LDLRAD4: variants seen among roughly 807,000 people sequenced by gnomAD.
LDLRAD4 encodes the protein low-density lipoprotein receptor class A domain-containing protein 4.
LDLRAD4 carries 5 observed loss-of-function variants against 17.0 expected under a neutral mutation model. That is an observed-to-expected ratio of 0.29 (90% confidence interval 0.15 to 0.62). The LOEUF is 0.62. Among genes scored for constraint, LDLRAD4 ranks in the 20% least tolerant of loss-of-function variants. LDLRAD4 has a pLI of 0.84. For synonymous variants in LDLRAD4, 168 were observed against 171.8 expected (o/e 0.98, Z 0.17); for missense variants, 340 against 424.7 (o/e 0.80, Z 1.75).
chr18:13,383,005 A>C (rs1361323102), intron 1 of LDLRAD4, among the ~76,000 whole-genome samples: 1 of 152,214 alleles, frequency 6.6e-6, no homozygotes, highest in Admixed American at 6.5e-5. Flanking sequence ...TAAGTGCAGC[A>C]GGCTCACCAC....
intron 1 of LDLRAD4, among the ~76,000 whole-genome samples, chr18:13,357,121 G>A (rs1444298905): frequency 6.6e-6 from 1 of 152,126 alleles, no homozygotes; most frequent in Admixed American, 6.5e-5. Context: ...TTGACAGAGC[G>A]AGACTGCATC....
exon 1 of LDLRAD4, chr18:13,218,972 G>C (rs1183275916): frequency 6.6e-6 from 1 of 152,392 alleles, no homozygotes; most frequent in East Asian, 1.9e-4. Flanking sequence ...CCCCGGGTGG[G>C]CCTGGGGGCG....
intron 1 of LDLRAD4, among the ~76,000 whole-genome samples, chr18:13,237,177 C>G (rs2042379015): frequency 6.6e-6 from 1 of 152,188 alleles, no homozygotes; most frequent in Admixed American, 6.5e-5. Flanking sequence ...AGTCCTGCTC[C>G]CTCATCTTGA....
chr18:13,455,669 G>A (rs2092093658), intron 3 of LDLRAD4, among the ~76,000 whole-genome samples: 1 of 152,138 alleles, frequency 6.6e-6, no homozygotes, highest in African/African-American at 2.4e-5. Context: ...CCCGTGGCTG[G>A]GGCAGAGCTG....
At chr18:13,518,171 A>C (rs988065714) in intron 3 of LDLRAD4, among the ~76,000 whole-genome samples, 13 of 152,182 alleles carry the variant, frequency 8.5e-5, no homozygotes, top group Admixed American at 8.5e-4. Flanking sequence ...TCTTGGTCTC[A>C]TTATCCTCCT....
chr18:13,433,936 A>T lies in LDLRAD4; in HGVS notation c.41-4308A>T, dbSNP rs16940515. Among the ~76,000 whole-genome samples the T allele has an allele frequency of 5.1e-3, 778 of 152,270 alleles. 10 individuals carry two copies. Among genetic ancestry groups the T allele is most frequent in the African/African-American group, 0.017 (721 of 41,540 alleles). On this transcript the variant is annotated intron_variant, in intron 2 of 5. Coordinates refer to ENST00000359446, the Ensembl canonical transcript of LDLRAD4. Reference sequence around the variant, plus strand: ...CAGGACAAAAAAGGGTTTCCTCTCGATCCGATGGAAATCTCGGGTTTTATG... The same window carrying T: ...CAGGACAAAAAAGGGTTTCCTCTCGTTCCGATGGAAATCTCGGGTTTTATG...
intron 3 of LDLRAD4, chr18:13,615,369 T>C (rs139677483): frequency 6.6e-6 from 1 of 152,296 alleles, no homozygotes; most frequent in African/African-American, 2.4e-5. Context: ...CAGTGAAGGA[T>C]AATATATTAG....
intron 3 of LDLRAD4, among the ~76,000 whole-genome samples, chr18:13,456,414 G>A (rs2092136722): frequency 1.3e-5 from 2 of 152,184 alleles, no homozygotes; most frequent in Admixed American, 1.3e-4. Context: ...CTGGTGAAGG[G>A]CGTGCGTCAC....
chr18:13,576,644 A>G (rs1478854581), intron 3 of LDLRAD4, among the ~76,000 whole-genome samples: 9 of 152,134 alleles, frequency 5.9e-5, no homozygotes. Context: ...TTCTCTTTGC[A>G]CTTCACAGAA....
chr18:13,496,918 A>G (rs1303761878), intron 3 of LDLRAD4, among the ~76,000 whole-genome samples: 1 of 152,244 alleles, frequency 6.6e-6, no homozygotes, highest in Non-Finnish European at 1.5e-5. Context: ...AAGCCAAGCA[A>G]CCTCAGAATG....
intron 3 of LDLRAD4, among the ~76,000 whole-genome samples, chr18:13,619,362 G>A (rs2040378458): frequency 6.6e-6 from 1 of 152,044 alleles, no homozygotes; most frequent in Non-Finnish European, 1.5e-5. Flanking sequence ...CAGAAATAAG[G>A]CCACTTTTCT....
chr18:13,446,450 A>G (rs2091412117), intron 3 of LDLRAD4, among the ~76,000 whole-genome samples: 1 of 152,202 alleles, frequency 6.6e-6, no homozygotes, highest in South Asian at 2.1e-4. Context: ...CAATTGATAC[A>G]TAGTTGACGA....
chr18:13,617,149 G>T (rs1208404083), intron 3 of LDLRAD4, among the ~76,000 whole-genome samples: 1 of 151,756 alleles, frequency 6.6e-6, no homozygotes, highest in African/African-American at 2.4e-5. Flanking sequence ...TATTGCCCAG[G>T]CTGATCTTGA....
intron 3 of LDLRAD4, among the ~76,000 whole-genome samples, chr18:13,599,309 G>A (rs1478818238): frequency 1.3e-5 from 2 of 152,110 alleles, no homozygotes; most frequent in East Asian, 1.9e-4. Flanking sequence ...TACAATGGAA[G>A]TAAGAGATTT....
chr18:13,246,029 T>G (rs1396879985), intron 1 of LDLRAD4, among the ~76,000 whole-genome samples: 1 of 152,252 alleles, frequency 6.6e-6, no homozygotes, highest in Non-Finnish European at 1.5e-5. Flanking sequence ...TATAAGTAGA[T>G]GCTCAAGAGC....
chr18:13,554,886 G>T (rs1054634345), intron 3 of LDLRAD4, among the ~76,000 whole-genome samples: 1 of 152,156 alleles, frequency 6.6e-6, no homozygotes, highest in Non-Finnish European at 1.5e-5. Flanking sequence ...GGAAAGAGCA[G>T]CTGTATGGTA....
chr18:13,271,062 A>G (rs1372031620), intron 1 of LDLRAD4, among the ~76,000 whole-genome samples: 1 of 152,252 alleles, frequency 6.6e-6, no homozygotes, highest in Non-Finnish European at 1.5e-5. Flanking sequence ...AGAACGACCA[A>G]TAATATATGT....
At chr18:13,366,923 C>T (rs908071995) in intron 1 of LDLRAD4, among the ~76,000 whole-genome samples, 8 of 152,164 alleles carry the variant, frequency 5.3e-5, no homozygotes, top group South Asian at 2.1e-4. Flanking sequence ...ATTTCTTGCT[C>T]GCTGGTCCTC....
chr18:13,359,045 C>T (rs1275745475), intron 1 of LDLRAD4, among the ~76,000 whole-genome samples: 1 of 152,208 alleles, frequency 6.6e-6, no homozygotes, highest in Non-Finnish European at 1.5e-5. Context: ...CAGAATCCCA[C>T]CCCTGGCTTT....
Sources: gnomAD v4.1 joint callset for allele counts (sites outside exome capture counted in the v4.1 genomes callset) on GRCh38, gnomAD v4.1.1 for gene constraint, MANE v1.5 for transcripts, NCBI Gene and HGNC (gene_info 2026-07-23, HGNC 2026-07-21) for gene names.